MARCHF1: variants seen among roughly 807,000 people sequenced by gnomAD.
MARCHF1 encodes the protein membrane associated ring-CH-type finger 1.
Under a neutral mutation model 54.2 loss-of-function variants are expected in MARCHF1, and 40 were observed. The ratio of observed to expected loss-of-function variants is 0.74; its 90% CI spans 0.57 to 0.96. MARCHF1 has a LOEUF of 0.96. Among genes scored for constraint, MARCHF1 ranks in the 40% least tolerant of loss-of-function variants. The pLI is 0.00. For missense variants in MARCHF1, 586 were observed against 656.5 expected (o/e 0.89, Z 1.17); for synonymous variants, 236 against 236.3 (o/e 1.00, Z 0.01).
At chr4:164,152,558 A>G (rs1729969582) in intron 1 of MARCHF1, among the ~76,000 whole-genome samples, 1 of 152,182 alleles carries the variant, frequency 6.6e-6, no homozygotes, top group Non-Finnish European at 1.5e-5. Flanking sequence ...ACATACCTTG[A>G]AATTGCCCTG....
At chr4:163,564,034 C>T (rs1739558769) in intron 8 of MARCHF1, among the ~76,000 whole-genome samples, 1 of 152,178 alleles carries the variant, frequency 6.6e-6, no homozygotes, top group Non-Finnish European at 1.5e-5. Flanking sequence ...AAATGATCTT[C>T]CCACCTAACT....
chr4:164,112,154 T>C (rs1755845464), intron 1 of MARCHF1, among the ~76,000 whole-genome samples: 1 of 151,882 alleles, frequency 6.6e-6, no homozygotes, highest in South Asian at 2.1e-4. Flanking sequence ...GATGCGGTGA[T>C]TGAAGGATAA....
intron 2 of MARCHF1, among the ~76,000 whole-genome samples, chr4:164,023,937 A>C (rs996965037): frequency 2.0e-5 from 3 of 152,342 alleles, no homozygotes; most frequent in Admixed American, 6.5e-5. Context: ...AGAATATCAA[A>C]ATACAATTTG....
chr4:163,597,233 G>A (rs1472383816), intron 7 of MARCHF1, among the ~76,000 whole-genome samples: 1 of 152,024 alleles, frequency 6.6e-6, no homozygotes, highest in East Asian at 1.9e-4. Context: ...GCTGGTATTA[G>A]AGGCATGAAC....
At chr4:164,349,404 T>C (rs575464280) in intron 1 of MARCHF1, among the ~76,000 whole-genome samples, 2 of 152,300 alleles carry the variant, frequency 1.3e-5, no homozygotes, top group East Asian at 3.9e-4. Flanking sequence ...GAAACCATCA[T>C]CTACTCAACA....
intron 1 of MARCHF1, chr4:164,188,554 A>G (rs1731038307): frequency 1.3e-6 from 1 of 754,264 alleles, no homozygotes; most frequent in Non-Finnish European, 2.5e-6. Flanking sequence ...ATCAGAGCAA[A>G]CGCATCACGC....
intron 1 of MARCHF1, among the ~76,000 whole-genome samples, chr4:164,252,208 A>AT (rs1215713130): frequency 2.6e-5 from 4 of 152,188 alleles, no homozygotes; most frequent in African/African-American, 9.6e-5. Context: ...ATATCTAAAT[A>AT]TTTGGCTTAT....
chr4:163,851,375 G>A (rs977128588), intron 4 of MARCHF1, among the ~76,000 whole-genome samples: 1 of 152,146 alleles, frequency 6.6e-6, no homozygotes. Context: ...ATGTGTACCT[G>A]ATTCTTTCTC....
At chr4:163,592,840 G>C (rs544124039) in intron 7 of MARCHF1, among the ~76,000 whole-genome samples, 1 of 152,146 alleles carries the variant, frequency 6.6e-6, no homozygotes, top group South Asian at 2.1e-4. Flanking sequence ...GACTATCTGA[G>C]AGGTCTCCAT....
At chr4:163,944,511 T>C (rs907311136) in intron 3 of MARCHF1, among the ~76,000 whole-genome samples, 1 of 152,192 alleles carries the variant, frequency 6.6e-6, no homozygotes. Context: ...TGTGCCACAT[T>C]CTTCCTTGAG....
At chr4:163,578,049 C>T (rs1016161415) in intron 8 of MARCHF1, among the ~76,000 whole-genome samples, 1 of 151,674 alleles carries the variant, frequency 6.6e-6, no homozygotes, top group South Asian at 2.1e-4. Flanking sequence ...ATGCTTCTGA[C>T]TTCTGCACAC....
At chr4:163,807,494 A>T (rs1303726795) in intron 4 of MARCHF1, among the ~76,000 whole-genome samples, 1 of 152,178 alleles carries the variant, frequency 6.6e-6, no homozygotes, top group African/African-American at 2.4e-5. Flanking sequence ...CAATTACCAG[A>T]AGAATTCATA....
chr4:163,968,215 G>A lies in MARCHF1; in HGVS notation c.-39+20286C>T, dbSNP rs542697839. Among the ~76,000 whole-genome samples the A allele has an allele frequency of 2.9e-5, 4 of 140,174 alleles. No individual in the cohort carries two copies. The South Asian group carries it at 7.1e-4, about 25-fold the overall frequency. The allele number at this position is 140,174 out of a possible 152,430, so 92.0% of individuals were successfully genotyped here. A position where few individuals can be genotyped will look rare whatever the true frequency, so the allele number is the denominator to read the frequency against. On this transcript the variant is annotated intron_variant, in intron 3 of 9. Coordinates refer to ENST00000514618, the MANE Select transcript of MARCHF1 (RefSeq NM_001394959.1). The stretch of plus-strand genomic sequence containing the variant: ...TTGGTTTGCAGATAGCCTCTTGTTT[G>A]CTCATTGGACCCTATTTGCTATACT...
At chr4:164,150,448 G>A (rs1729902837) in intron 1 of MARCHF1, among the ~76,000 whole-genome samples, 1 of 152,072 alleles carries the variant, frequency 6.6e-6, no homozygotes, top group African/African-American at 2.4e-5. Flanking sequence ...CAACGTCATT[G>A]GTTTCCTCTC....
Position 163,902,539 on chromosome 4 carries a change from T to TA in MARCHF1, c.-38-48371dup, listed in dbSNP as rs1428908776. Among the ~76,000 whole-genome samples the TA allele has an allele frequency of 7.2e-5, 11 of 152,272 alleles. No individual in the cohort carries two copies. The East Asian group carries it at 2.1e-3, about 29-fold the overall frequency. ...CAGAATGTAATTTGCATACATTTGT[T>TA]AAAACCACCTATTGCATCTTTAATG... On this transcript the variant is annotated intron_variant, in intron 3 of 9. Transcript: ENST00000514618.
chr4:163,716,103 T>C lies in MARCHF1; in HGVS notation c.112-15240A>G, dbSNP rs912790467. Among the ~76,000 whole-genome samples, 3 of 152,200 alleles carry C rather than the reference T, an allele frequency of 2.0e-5. 1 individual carries two copies. The highest frequency in any genetic ancestry group is 4.1e-4 in the South Asian group (2 of 4,834). ...AGGAAAATCCATATACTTATGTAAC[T>C]AGCTTTCTGAAACTCCTAATGGAAG... On this transcript the variant is annotated intron_variant, in intron 4 of 9. Transcript: ENST00000514618.
At chr4:164,367,176 A>C (rs903365654) in intron 1 of MARCHF1, among the ~76,000 whole-genome samples, 2 of 152,106 alleles carry the variant, frequency 1.3e-5, no homozygotes, top group Non-Finnish European at 2.9e-5. Context: ...CTCATGTCCA[A>C]ATTTCTCCTT....
intron 5 of MARCHF1, among the ~76,000 whole-genome samples, chr4:163,629,770 G>A (rs752568792): frequency 1.3e-5 from 2 of 152,248 alleles, no homozygotes; most frequent in African/African-American, 2.4e-5. Flanking sequence ...ACCGTGGCAC[G>A]TGTATAGCTA....
rs1445927401 is a variant in MARCHF1 at position 164,343,671 on chromosome 4, A to G, written c.-323+40199T>C. The stretch of plus-strand genomic sequence containing the variant: ...TAGAGAAATGCAAATAAAAACCACA[A>G]TGAGATACCATCTCTCACCAGTCAG... On this transcript the variant is annotated intron_variant, in intron 1 of 9. Coordinates refer to ENST00000514618, the MANE Select transcript of MARCHF1 (RefSeq NM_001394959.1). Among the ~76,000 whole-genome samples the G allele has an allele frequency of 2.6e-5, 4 of 152,190 alleles. No individual in the cohort carries two copies. In the South Asian group the frequency reaches 6.2e-4, roughly 24 times the overall value.
Sources: allele counts gnomAD v4.1 joint callset (sites outside exome capture counted in the v4.1 genomes callset), GRCh38; gene constraint gnomAD v4.1.1; transcripts MANE v1.5; gene names NCBI Gene and HGNC (gene_info 2026-07-23, HGNC 2026-07-21).